Variants in KLF8 observed in about 807,000 individuals in gnomAD.
KLF8 encodes the protein KLF transcription factor 8.
Under a neutral mutation model 18.2 loss-of-function variants are expected in KLF8, and 10 were observed. The observed-to-expected ratio is 0.55, with a 90% CI of 0.34 to 0.93. KLF8 has a LOEUF of 0.93. Among genes scored for constraint, KLF8 ranks in the 40% least tolerant of loss-of-function variants. The probability of loss-of-function intolerance (pLI) is 0.02; values close to 1 mark genes in which losing one functional copy is unlikely to be tolerated. For synonymous variants in KLF8, 109 were observed against 97.3 expected (o/e 1.12, Z -0.71); for missense variants, 264 against 277.9 (o/e 0.95, Z 0.36).
chrX:56,015,056 TTGA>T, the KLF8 span: 1 of 110,203 alleles, frequency 9.1e-6, no homozygotes, highest in Non-Finnish European at 1.9e-5. Context: ...GCTTAATAAC[TTGA>T]TGATGGGATG....
At chrX:55,959,683 G>A in the KLF8 span, among the ~76,000 whole-genome samples, 2 of 111,639 alleles carry the variant, frequency 1.8e-5, no homozygotes, top group Admixed American at 1.9e-4. Context: ...TCAAATCAAT[G>A]CAGTCAGAAT....
chrX:56,179,947 T>A, the KLF8 span, among the ~76,000 whole-genome samples: 1 of 111,586 alleles, frequency 9.0e-6, no homozygotes, highest in Non-Finnish European at 1.9e-5. Context: ...TTTTCTAAAA[T>A]TCTCTTTTTT....
intron 1 of KLF8, among the ~76,000 whole-genome samples, chrX:56,246,539 T>A (rs1015335546): frequency 9.0e-6 from 1 of 111,439 alleles, no homozygotes; most frequent in Non-Finnish European, 1.9e-5. Context: ...CACAGGAGGC[T>A]GGAAAAACTT....
the KLF8 span, among the ~76,000 whole-genome samples, chrX:56,109,441 C>A: frequency 4.5e-3 from 493 of 109,157 alleles, 1 homozygote; most frequent in Non-Finnish European, 7.8e-3. Context: ...ATGTTCCATG[C>A]TCATCTGAGA....
the KLF8 span, among the ~76,000 whole-genome samples, chrX:56,072,070 G>A: frequency 1.8e-5 from 2 of 111,378 alleles, no homozygotes; most frequent in African/African-American, 6.5e-5. Context: ...TACAGTTTTG[G>A]ACAGTTACAT....
the KLF8 span, among the ~76,000 whole-genome samples, chrX:55,964,415 A>G: frequency 9.0e-6 from 1 of 111,326 alleles, no homozygotes; most frequent in Non-Finnish European, 1.9e-5. Context: ...ACCTGTATAA[A>G]AAAATGCAAA....
At chrX:56,133,035 AC>A in the KLF8 span, among the ~76,000 whole-genome samples, 1 of 111,377 alleles carries the variant, frequency 9.0e-6, no homozygotes, top group South Asian at 3.8e-4. Flanking sequence ...AAAATGGCCA[AC>A]AAAACCAGTC....
the KLF8 span, among the ~76,000 whole-genome samples, chrX:56,176,877 T>C: frequency 8.9e-6 from 1 of 112,103 alleles, no homozygotes; most frequent in Non-Finnish European, 1.9e-5. Flanking sequence ...TGATACCCTT[T>C]CTTCCAGTTG....
the KLF8 span, among the ~76,000 whole-genome samples, chrX:56,193,188 A>T: frequency 1.8e-5 from 2 of 112,865 alleles, no homozygotes. Context: ...TCAAAAGAAT[A>T]CATACAAGTG....
At chrX:55,944,822 C>T in the KLF8 span, among the ~76,000 whole-genome samples, 1 of 111,267 alleles carries the variant, frequency 9.0e-6, no homozygotes, top group Non-Finnish European at 1.9e-5. Context: ...TTTTGTGTCT[C>T]TATTTCCTTC....
At chrX:56,034,646 T>A in the KLF8 span, among the ~76,000 whole-genome samples, 1 of 111,057 alleles carries the variant, frequency 9.0e-6, no homozygotes, top group Non-Finnish European at 1.9e-5. Flanking sequence ...TTGTTTGAGT[T>A]GAGAACATTC....
chrX:56,126,225 CA>C, the KLF8 span, among the ~76,000 whole-genome samples: 1 of 111,252 alleles, frequency 9.0e-6, no homozygotes, highest in Admixed American at 9.6e-5. Flanking sequence ...TTGATAAGAC[CA>C]AAAACATTAG....
chrX:55,954,970 A>G, the KLF8 span, among the ~76,000 whole-genome samples: 2 of 111,782 alleles, frequency 1.8e-5, no homozygotes, highest in African/African-American at 6.5e-5. Context: ...AGGTAGATTA[A>G]TGTTTGACTA....
At chrX:56,100,011 G>A in the KLF8 span, among the ~76,000 whole-genome samples, 1 of 111,638 alleles carries the variant, frequency 9.0e-6, no homozygotes, top group African/African-American at 3.3e-5. Flanking sequence ...ATTTTACTAA[G>A]ATGCCATCTG....
At chrX:56,074,375 G>C in the KLF8 span, among the ~76,000 whole-genome samples, 1 of 110,589 alleles carries the variant, frequency 9.0e-6, no homozygotes, top group Non-Finnish European at 1.9e-5. Context: ...CCAAATCCAA[G>C]GTCATGAAAT....
intron 2 of KLF8, among the ~76,000 whole-genome samples, chrX:56,263,842 C>T (rs1333494239): frequency 8.9e-6 from 1 of 111,804 alleles, no homozygotes; most frequent in Non-Finnish European, 1.9e-5. Context: ...AATCAATCTT[C>T]ATTAAGAAGC....
chrX:56,162,738 C>T, the KLF8 span, among the ~76,000 whole-genome samples: 1 of 111,284 alleles, frequency 9.0e-6, no homozygotes, highest in East Asian at 2.8e-4. Context: ...ATGCCTCGCC[C>T]TGCTTCACCT....
At chrX:56,224,140 G>A in the KLF8 span, among the ~76,000 whole-genome samples, 4 of 111,028 alleles carry the variant, frequency 3.6e-5, no homozygotes, top group Admixed American at 3.9e-4. Context: ...AATTTTAGCT[G>A]CAGTGCATGA....
At chrX:55,949,127 A>T in the KLF8 span, among the ~76,000 whole-genome samples, 1 of 112,058 alleles carries the variant, frequency 8.9e-6, no homozygotes. Flanking sequence ...ATACATCAAG[A>T]CATTGAAATT....
Sources: allele counts gnomAD v4.1 joint callset (sites outside exome capture counted in the v4.1 genomes callset), GRCh38; gene constraint gnomAD v4.1.1; transcripts MANE v1.5; gene names NCBI Gene and HGNC (gene_info 2026-07-23, HGNC 2026-07-21).